Variants in SLC6A13 observed in about 807,000 individuals in gnomAD.
SLC6A13 encodes solute carrier family 6 member 13, also known as sodium- and chloride-dependent GABA transporter 2.
SLC6A13 carries 69 observed loss-of-function variants against 72.9 expected under a neutral mutation model. The observed-to-expected ratio is 0.95, with a 90% CI of 0.78 to 1.16. The LOEUF is 1.16. SLC6A13 is among the 50% of genes most tolerant of loss of function. The pLI is 0.00. For synonymous variants in SLC6A13, 303 were observed against 303.0 expected (o/e 1.00, Z 0.00); for missense variants, 735 against 760.5 (o/e 0.97, Z 0.39).
intron 2 of SLC6A13, among the ~76,000 whole-genome samples, chr12:250,827 GCCCCC>G (rs149274720): frequency 1.7e-5 from 2 of 120,372 alleles, no homozygotes; most frequent in African/African-American, 6.5e-5. Flanking sequence ...ACCCAAAATA[GCCCCC>G]CAAAAAAAAA....
chr12:236,661 G>C (rs1204133649), intron 6 of SLC6A13, among the ~76,000 whole-genome samples: 12 of 152,192 alleles, frequency 7.9e-5, no homozygotes, highest in Non-Finnish European at 1.8e-4. Context: ...TGTGACACAT[G>C]ACCTCTGTCC....
intron 9 of SLC6A13, among the ~76,000 whole-genome samples, chr12:225,847 G>T (rs901229131): frequency 7.9e-5 from 12 of 152,154 alleles, no homozygotes; most frequent in African/African-American, 2.9e-4. Flanking sequence ...TCCAGACTGG[G>T]GCCTGGGCCT....
At chr12:248,367 G>T (rs2137306265) in intron 2 of SLC6A13, among the ~76,000 whole-genome samples, 1 of 140,472 alleles carries the variant, frequency 7.1e-6, no homozygotes, top group African/African-American at 2.7e-5. Context: ...TTGCACCACT[G>T]CACTCCAGCC....
intron 2 of SLC6A13, among the ~76,000 whole-genome samples, chr12:251,334 A>AT (rs1201672941): frequency 6.6e-6 from 1 of 152,178 alleles, no homozygotes; most frequent in East Asian, 1.9e-4. Context: ...CAAATAACTC[A>AT]TTTTTGATGA....
chr12:250,840 A>AAAAAC (rs1942509743), intron 2 of SLC6A13, among the ~76,000 whole-genome samples: 1 of 150,454 alleles, frequency 6.6e-6, no homozygotes, highest in Non-Finnish European at 1.5e-5. Flanking sequence ...CCCCAAAAAA[A>AAAAAC]AAAAAAAAAA....
At chr12:262,673 C>T (rs984086752) in intron 1 of SLC6A13, 116 bp downstream of exon 1, 14 of 984,734 alleles carry the variant, frequency 1.4e-5, no homozygotes, top group Admixed American at 1.2e-4. Flanking sequence ...ATGTCAGAAG[C>T]GTACTTTCTA....
chr12:242,796 C>T lies in SLC6A13; in HGVS notation c.338-42G>A, dbSNP rs371301244. 6.5e-5 allele frequency: 100 copies of T among 1,547,356 alleles called. No individual in the cohort carries two copies. In the East Asian group the frequency reaches 2.0e-3, roughly 31 times the overall value. On this transcript the variant is annotated intron_variant, in intron 3 of 14. Transcript: ENST00000343164. Reference sequence around the variant, plus strand: ...GAATTGGGCTAGGAACGGTGGACAGCGGTGGCGTGCACCTGTCATTTCAGC... The same window carrying T: ...GAATTGGGCTAGGAACGGTGGACAGTGGTGGCGTGCACCTGTCATTTCAGC...
chr12:249,288 A>C (rs1348801467), intron 2 of SLC6A13, among the ~76,000 whole-genome samples: 1 of 152,184 alleles, frequency 6.6e-6, no homozygotes, highest in African/African-American at 2.4e-5. Flanking sequence ...AAGCCAAAGT[A>C]AGTCAAAGGA....
In SLC6A13 at chr12:224,437, G is replaced by C. The variant is rs369387866; in HGVS notation, c.1137C>G (p.Phe379Leu). The C allele has an allele frequency of 1.2e-6, 2 of 1,614,162 alleles. No individual in the cohort carries two copies. Among genetic ancestry groups the C allele is most frequent in the Non-Finnish European group, 1.7e-6 (2 of 1,180,024 alleles). ...LPFSPLWACC[F>L]FFMVVLLGLD... ...GTCCCAGGAGAACGACCATGAAGAA[G>C]AAACAGCAGGCCCAGAGAGGAGAGA... Residue 379 changes from phenylalanine (F) to leucine (L), a missense_variant, in exon 10 of 15, where the codon TTC (phenylalanine) becomes TTG (leucine). By Grantham distance (22) the Phe-to-Leu change is conservative (BLOSUM62 0). Coordinates refer to ENST00000343164, the MANE Select transcript of SLC6A13 (RefSeq NM_016615.5).
chr12:258,204 A>C (rs186475587), intron 2 of SLC6A13, among the ~76,000 whole-genome samples: 1 of 152,342 alleles, frequency 6.6e-6, no homozygotes, highest in East Asian at 1.9e-4. Context: ...CCTAGGAGGA[A>C]GGGACACGAC....
chr12:237,738 G>A (rs552573631), intron 5 of SLC6A13, among the ~76,000 whole-genome samples, 188 bp downstream of exon 5: 3 of 152,302 alleles, frequency 2.0e-5, no homozygotes, highest in East Asian at 3.9e-4. Flanking sequence ...ACAGCCCCAG[G>A]AGAACTGCAG....
chr12:250,924 A>AGGT (rs1289319072), intron 2 of SLC6A13, among the ~76,000 whole-genome samples: 1 of 151,092 alleles, frequency 6.6e-6, no homozygotes, highest in Non-Finnish European at 1.5e-5. Flanking sequence ...TGGGAGGCCA[A>AGGT]GGTGGGTGGA....
At chr12:243,105 G>A (rs531073378) in intron 3 of SLC6A13, among the ~76,000 whole-genome samples, 371 of 151,996 alleles carry the variant, frequency 2.4e-3, no homozygotes, top group Middle Eastern at 6.8e-3. Flanking sequence ...TGCCTCCCAG[G>A]TTCAAGAGAT....
chr12:259,984 C>A lies in SLC6A13; in HGVS notation c.69G>T (p.Lys23Asn), dbSNP rs1236955931. ...GCTCCAGGGTGCCATCTTCCTCCTTCTTTTCCATGACTGGATACACTGGTT... is the reference window on the plus strand; with the variant it reads ...GCTCCAGGGTGCCATCTTCCTCCTTATTTTCCATGACTGGATACACTGGTT... ...ETKPVYPVME[K>N]KEEDGTLERG... is the part of the protein sequence containing the mutation. Residue 23 changes from lysine to asparagine, a missense_variant, in exon 2 of 15, where the codon AAG (lysine) becomes AAT (asparagine). Physicochemically the swap from Lys to Asn is moderately conservative, Grantham distance 94. Coordinates refer to ENST00000343164, the MANE Select transcript of SLC6A13 (RefSeq NM_016615.5). 6.2e-7 allele frequency: 1 copy of A among 1,614,114 alleles called. No individual in the cohort carries two copies. The highest frequency in any genetic ancestry group is 8.5e-7 in the Non-Finnish European group (1 of 1,180,038).
At chr12:238,465 C>T in intron 4 of SLC6A13, 1 of 526,048 alleles carries the variant, frequency 1.9e-6, no homozygotes, top group South Asian at 1.6e-5. Context: ...AGTTATAACT[C>T]AGCTCTCTGT....
At chr12:252,881 G>C (rs867966932) in intron 2 of SLC6A13, among the ~76,000 whole-genome samples, 1 of 150,724 alleles carries the variant, frequency 6.6e-6, no homozygotes, top group African/African-American at 2.4e-5. Context: ...CTCCTTGGCA[G>C]CCTGCCAAGA....
intron 3 of SLC6A13, among the ~76,000 whole-genome samples, chr12:243,091 C>G (rs1026916224): frequency 1.3e-5 from 2 of 151,744 alleles, no homozygotes; most frequent in Admixed American, 1.3e-4. Context: ...CTCGCTGCAA[C>G]CTCTGCCTCC....
At chr12:250,620 A>G (rs1217726254) in intron 2 of SLC6A13, among the ~76,000 whole-genome samples, 1 of 152,128 alleles carries the variant, frequency 6.6e-6, no homozygotes, top group Non-Finnish European at 1.5e-5. Context: ...ACTACAAAAC[A>G]TTGCTGAGAG....
chr12:258,921 G>A (rs547999095), intron 2 of SLC6A13: 84 of 985,472 alleles, frequency 8.5e-5, no homozygotes, highest in South Asian at 4.7e-4. Context: ...GAGCCTCACC[G>A]TGCCAGCAAA....
Sources: gnomAD v4.1 joint callset for allele counts (sites outside exome capture counted in the v4.1 genomes callset) on GRCh38, gnomAD v4.1.1 for gene constraint, MANE v1.5 for transcripts, NCBI Gene and HGNC (gene_info 2026-07-23, HGNC 2026-07-21) for gene names.